PPFIA2: variants seen among roughly 807,000 people sequenced by gnomAD.
PPFIA2 encodes the protein PPFI scaffold protein A2, also known as liprin-alpha-2.
Under a neutral mutation model 175.5 loss-of-function variants are expected in PPFIA2, and 46 were observed. The ratio of observed to expected loss-of-function variants is 0.26; its 90% CI spans 0.21 to 0.34. The LOEUF (loss-of-function observed/expected upper bound fraction) is 0.34. Among genes scored for constraint, PPFIA2 ranks in the 10% least tolerant of loss-of-function variants. PPFIA2 has a pLI of 1.00. For synonymous variants in PPFIA2, 568 were observed against 511.4 expected (o/e 1.11, Z -1.49); for missense variants, 1,179 against 1,506.1 (o/e 0.78, Z 3.60).
chr12:81,518,684 C>T (rs73360660), intron 4 of PPFIA2, among the ~76,000 whole-genome samples: 2 of 152,120 alleles, frequency 1.3e-5, no homozygotes, highest in Admixed American at 6.6e-5. Flanking sequence ...ACTTTCCCTG[C>T]CTTATCATTT....
rs559185657 is a variant in PPFIA2 at position 81,746,147 on chromosome 12, G to A, written c.249+7826C>T. 1.4e-5 allele frequency among the ~76,000 whole-genome samples: 2 copies of A among 144,352 alleles called. 1 individual carries two copies. The highest frequency in any genetic ancestry group is 3.1e-5 in the Non-Finnish European group (2 of 64,348). The allele number at this position is 144,352 out of a possible 152,430, so 94.7% of individuals were successfully genotyped here. ...GAAACACTCCCACTTTAATATCTGGGTGCTTAAATAAAATACTGAATGGCA... is the reference window on the plus strand; with the variant it reads ...GAAACACTCCCACTTTAATATCTGGATGCTTAAATAAAATACTGAATGGCA... On this transcript the variant is annotated intron_variant, in intron 3 of 32. Transcript: ENST00000549396.
chr12:81,508,502 C>G (rs1335316479), intron 4 of PPFIA2, among the ~76,000 whole-genome samples: 1 of 50,256 alleles, frequency 2.0e-5, no homozygotes, highest in South Asian at 7.2e-4. Context: ...GCCTGGACAA[C>G]AAGAGCAAAA....
chr12:81,466,882 ATATAT>A (rs925508017), intron 4 of PPFIA2, among the ~76,000 whole-genome samples: 10 of 146,428 alleles, frequency 6.8e-5, no homozygotes, highest in African/African-American at 2.5e-4. Flanking sequence ...AATATATATA[ATATAT>A]TATATTAAAT....
At position 81,565,097 on chromosome 12, in the gene PPFIA2, C is replaced by T. The variant is rs140591149; in HGVS notation, c.304-107231G>A. On this transcript the variant is annotated intron_variant, in intron 4 of 32. Coordinates refer to ENST00000549396, the MANE Select transcript of PPFIA2 (RefSeq NM_003625.5). ...ATAAACTCTGATGAACCTTTTTTGC[C>T]AGAAGAAACAGCTTACCCATCCCCA... Among the ~76,000 whole-genome samples the T allele has an allele frequency of 9.0e-4, 137 of 152,052 alleles. No individual in the cohort carries two copies. In the East Asian group the frequency reaches 0.024, roughly 27 times the overall value.
intron 4 of PPFIA2, among the ~76,000 whole-genome samples, chr12:81,493,827 A>G (rs1356506896): frequency 1.3e-5 from 2 of 148,992 alleles, no homozygotes; most frequent in African/African-American, 4.9e-5. Flanking sequence ...ACATAGAAAC[A>G]TAGATGAAGG....
chr12:81,534,187 A>AT (rs2065053429), intron 4 of PPFIA2, among the ~76,000 whole-genome samples: 1 of 151,586 alleles, frequency 6.6e-6, no homozygotes, highest in Non-Finnish European at 1.5e-5. Context: ...AAAAAGAGGG[A>AT]GATAAAGAGA....
intron 3 of PPFIA2, among the ~76,000 whole-genome samples, chr12:81,682,307 C>T (rs1017320953): frequency 2.0e-5 from 3 of 151,938 alleles, no homozygotes; most frequent in African/African-American, 4.8e-5. Context: ...GGAGAGCACC[C>T]TCAGAAGAAA....
intron 4 of PPFIA2, among the ~76,000 whole-genome samples, chr12:81,623,284 G>T (rs916101056): frequency 6.6e-6 from 1 of 151,888 alleles, no homozygotes; most frequent in Admixed American, 6.6e-5. Flanking sequence ...CTTTCAAGAG[G>T]CATCCAAAAT....
chr12:81,435,342 G>A (rs2048785133), intron 7 of PPFIA2, among the ~76,000 whole-genome samples: 1 of 152,200 alleles, frequency 6.6e-6, no homozygotes, highest in Admixed American at 6.5e-5. Context: ...ACAAAGCCCT[G>A]TGGCAATGCC....
At chr12:81,520,233 T>C (rs115492616) in intron 4 of PPFIA2, among the ~76,000 whole-genome samples, 111 of 152,252 alleles carry the variant, frequency 7.3e-4, no homozygotes, top group African/African-American at 2.7e-3. Flanking sequence ...GTAGATGATG[T>C]TGATGCCTAA....
chr12:81,409,371 A>C (rs2043496254), intron 7 of PPFIA2, among the ~76,000 whole-genome samples: 1 of 152,162 alleles, frequency 6.6e-6, no homozygotes, highest in Admixed American at 6.6e-5. Context: ...TGGTATTAAG[A>C]GGTGGGACCT....
chr12:81,344,833 T>C, intron 18 of PPFIA2, 140 bp from the exon 19 acceptor site: 1 of 623,038 alleles, frequency 1.6e-6, no homozygotes, highest in East Asian at 2.9e-5. Flanking sequence ...ATAAACATAT[T>C]TTAATTACTA....
chr12:81,390,156 G>A (rs1297794366), intron 8 of PPFIA2, among the ~76,000 whole-genome samples: 5 of 152,026 alleles, frequency 3.3e-5, no homozygotes, highest in Non-Finnish European at 5.9e-5. Flanking sequence ...CCATCATGGG[G>A]ATATATTACA....
chr12:81,694,212 G>T (rs1174551072), intron 3 of PPFIA2, among the ~76,000 whole-genome samples: 1 of 152,096 alleles, frequency 6.6e-6, no homozygotes, highest in Non-Finnish European at 1.5e-5. Context: ...AACTAAAAGG[G>T]ACCCAAGTGC....
At chr12:81,507,375 T>C (rs2061289456) in intron 4 of PPFIA2, among the ~76,000 whole-genome samples, 2 of 152,100 alleles carry the variant, frequency 1.3e-5, no homozygotes, top group South Asian at 4.1e-4. Flanking sequence ...CTATATCTTA[T>C]GAGCTTGAAA....
At chr12:81,657,565 T>A (rs1175724368) in intron 4 of PPFIA2, among the ~76,000 whole-genome samples, 1 of 152,162 alleles carries the variant, frequency 6.6e-6, no homozygotes, top group Non-Finnish European at 1.5e-5. Context: ...GGCTACACAG[T>A]CACAGGGAGG....
intron 4 of PPFIA2, among the ~76,000 whole-genome samples, chr12:81,567,343 C>A (rs1352076433): frequency 1.3e-5 from 2 of 152,184 alleles, no homozygotes; most frequent in African/African-American, 4.8e-5. Flanking sequence ...TCCACTGCGC[C>A]CGGCCAGGAG....
At chr12:81,357,934 C>G (rs896300248) in intron 16 of PPFIA2, 148 bp downstream of exon 16, 1 of 803,288 alleles carries the variant, frequency 1.2e-6, no homozygotes, top group Non-Finnish European at 1.8e-6. Flanking sequence ...CTTTATGTTA[C>G]TTATAGTTTT....
At chr12:81,286,367 C>G (rs778305836) in intron 24 of PPFIA2, among the ~76,000 whole-genome samples, 2 of 151,940 alleles carry the variant, frequency 1.3e-5, no homozygotes, top group African/African-American at 2.4e-5. Flanking sequence ...CCTAGGCCTT[C>G]GTATTCACTA....
Sources: allele counts gnomAD v4.1 joint callset (sites outside exome capture counted in the v4.1 genomes callset), GRCh38; gene constraint gnomAD v4.1.1; transcripts MANE v1.5; gene names NCBI Gene and HGNC (gene_info 2026-07-23, HGNC 2026-07-21).